The following AMBRA1 variants were observed in gnomAD, a reference collection of about 807,000 sequenced individuals.
AMBRA1 encodes the protein activating molecule in BECN1-regulated autophagy protein 1.
In AMBRA1, 47 loss-of-function variants were observed where a neutral mutation model predicts 125.4. The ratio of observed to expected loss-of-function variants is 0.37; its 90% CI spans 0.30 to 0.48. AMBRA1 has a LOEUF of 0.48. Ranked by LOEUF, AMBRA1 falls within the 20% of genes least tolerant of loss-of-function variation. AMBRA1 has a pLI of 0.99. For missense variants in AMBRA1, 1,331 were observed against 1,693.4 expected (o/e 0.79, Z 3.76); for synonymous variants, 626 against 655.5 (o/e 0.95, Z 0.69).
At chr11:46,462,540 G>A (rs780061800) in intron 11 of AMBRA1, among the ~76,000 whole-genome samples, 10 of 151,996 alleles carry the variant, frequency 6.6e-5, no homozygotes, top group Non-Finnish European at 1.3e-4. Context: ...CCTCGATCTG[G>A]ACCTGTCTGT....
At chr11:46,468,684 C>T (rs1354735966) in intron 11 of AMBRA1, among the ~76,000 whole-genome samples, 4 of 150,762 alleles carry the variant, frequency 2.7e-5, no homozygotes, top group Admixed American at 6.6e-5. Context: ...TGGTGGCGGG[C>T]GCCTGTAGTC....
At chr11:46,516,454 G>A (rs1397065514) in intron 7 of AMBRA1, among the ~76,000 whole-genome samples, 4 of 119,276 alleles carry the variant, frequency 3.4e-5, no homozygotes, top group South Asian at 2.7e-4. Context: ...TTTTTGAGAC[G>A]GTGTCTCGCT....
At chr11:46,545,485 G>A (rs1458753181) in intron 5 of AMBRA1, 119 bp downstream of exon 5, 5 of 1,214,258 alleles carry the variant, frequency 4.1e-6, no homozygotes, top group Non-Finnish European at 5.7e-6. Context: ...GAGGAGCTAT[G>A]AGGATGACAA....
chr11:46,503,060 C>CAAAA lies in AMBRA1; in HGVS notation c.2339+5127_2339+5130dup, dbSNP rs35217088. ...TGGGTGACAGAGCGAGACTCTGTCT[C>CAAAA]AAAAAAAAAAAAAAAAAAAAAAAAA... On this transcript the variant is annotated intron_variant, in intron 9 of 17. Coordinates refer to ENST00000683756, the MANE Select transcript of AMBRA1 (RefSeq NM_001387011.1). Among the ~76,000 whole-genome samples the CAAAA allele has an allele frequency of 1.4e-3, 43 of 31,006 alleles. 2 individuals are homozygous for CAAAA. Among genetic ancestry groups the CAAAA allele is most frequent in the African/African-American group, 3.1e-3 (40 of 12,892 alleles). The allele number at this position is 31,006 out of a possible 152,430, so 20.3% of individuals were successfully genotyped here.
chr11:46,540,437 T>C (rs1053246388), intron 7 of AMBRA1, among the ~76,000 whole-genome samples: 5 of 152,194 alleles, frequency 3.3e-5, no homozygotes, highest in African/African-American at 9.7e-5. Flanking sequence ...AAGACCAGTA[T>C]GCCAGGCACA....
intron 11 of AMBRA1, among the ~76,000 whole-genome samples, chr11:46,458,059 G>GTT (rs1948930680): frequency 6.6e-6 from 1 of 152,148 alleles, no homozygotes; most frequent in Middle Eastern, 3.2e-3. Flanking sequence ...GAGAGAGCAT[G>GTT]GTGAATGGGT....
chr11:46,512,684 C>G, intron 8 of AMBRA1, 43 bp downstream of exon 8: 1 of 1,560,672 alleles, frequency 6.4e-7, no homozygotes, highest in Non-Finnish European at 8.8e-7. Flanking sequence ...CCCCAAGGGC[C>G]GCCCCTCCCC....
chr11:46,545,168 G>A (rs796952613), intron 5 of AMBRA1, among the ~76,000 whole-genome samples: 17 of 141,958 alleles, frequency 1.2e-4, no homozygotes, highest in South Asian at 4.8e-4. Context: ...AGCCGGGGGG[G>A]GGGGGGTGGT....
intron 1 of AMBRA1, among the ~76,000 whole-genome samples, chr11:46,558,788 T>C (rs2043238794): frequency 6.6e-6 from 1 of 152,100 alleles, no homozygotes; most frequent in South Asian, 2.1e-4. Context: ...GATTATAAAC[T>C]CTGTGAGGGC....
At chr11:46,565,402 T>C (rs936222777) in intron 1 of AMBRA1, among the ~76,000 whole-genome samples, 2 of 152,158 alleles carry the variant, frequency 1.3e-5, no homozygotes, top group African/African-American at 2.4e-5. Flanking sequence ...TGATAACTTA[T>C]GTTCAGACAA....
intron 1 of AMBRA1, among the ~76,000 whole-genome samples, chr11:46,560,198 G>C (rs2043285457): frequency 6.6e-6 from 1 of 152,134 alleles, no homozygotes; most frequent in Non-Finnish European, 1.5e-5. Context: ...GAAATAAACT[G>C]TCAACAGACA....
intron 1 of AMBRA1, among the ~76,000 whole-genome samples, chr11:46,576,623 T>C (rs1422961944): frequency 6.6e-6 from 1 of 152,202 alleles, no homozygotes; most frequent in Non-Finnish European, 1.5e-5. Flanking sequence ...AGGAAGTTCT[T>C]TCTAACATGT....
intron 14 of AMBRA1, among the ~76,000 whole-genome samples, chr11:46,418,632 T>C (rs1946692509): frequency 6.6e-6 from 1 of 151,730 alleles, no homozygotes; most frequent in Admixed American, 6.6e-5. Context: ...TTCCCACCTA[T>C]GAGTGAGAAC....
intron 11 of AMBRA1, among the ~76,000 whole-genome samples, chr11:46,491,761 C>G (rs188314644): frequency 6.6e-6 from 1 of 152,298 alleles, no homozygotes; most frequent in Admixed American, 6.5e-5. Context: ...CTGTAAACAG[C>G]TGCCCACTGC....
At chr11:46,412,613 G>GT (rs1052060831) in intron 15 of AMBRA1, among the ~76,000 whole-genome samples, 27 of 151,272 alleles carry the variant, frequency 1.8e-4, no homozygotes, top group East Asian at 3.9e-4. Flanking sequence ...AATTTTCACT[G>GT]TTTTTTTTTC....
At chr11:46,443,863 G>A (rs1157210963) in intron 11 of AMBRA1, among the ~76,000 whole-genome samples, 4 of 152,158 alleles carry the variant, frequency 2.6e-5, no homozygotes, top group African/African-American at 9.7e-5. Context: ...TGCCAACAAC[G>A]TGGCAGGTAC....
intron 14 of AMBRA1, among the ~76,000 whole-genome samples, chr11:46,426,954 C>A (rs867254559): frequency 6.6e-6 from 1 of 152,114 alleles, no homozygotes. Flanking sequence ...CAAGTCCAGA[C>A]AAGATTAAGA....
At chr11:46,517,044 A>G (rs942088742) in intron 7 of AMBRA1, among the ~76,000 whole-genome samples, 86 of 151,968 alleles carry the variant, frequency 5.7e-4, no homozygotes, top group African/African-American at 2.0e-3. Context: ...CAAGTGAGGT[A>G]TACGAGGGGT....
chr11:46,508,837 A>G (rs1951156270), intron 8 of AMBRA1, among the ~76,000 whole-genome samples: 1 of 152,238 alleles, frequency 6.6e-6, no homozygotes. Context: ...TAAGCCTCAG[A>G]TGATTAAAGA....
Sources: allele counts gnomAD v4.1 joint callset (sites outside exome capture counted in the v4.1 genomes callset), GRCh38; gene constraint gnomAD v4.1.1; transcripts MANE v1.5; gene names NCBI Gene and HGNC (gene_info 2026-07-23, HGNC 2026-07-21).